FTCDNL1: variants seen among roughly 807,000 people sequenced by gnomAD.
FTCDNL1 encodes formiminotransferase N-terminal subdomain-containing protein.
FTCDNL1 carries 11 observed loss-of-function variants against 5.9 expected under a neutral mutation model. That is an observed-to-expected ratio of 1.87 (90% CI 1.18 to 3.10). The LOEUF (loss-of-function observed/expected upper bound fraction) is 3.10. Among genes scored for constraint, FTCDNL1 ranks in the 30% most tolerant of loss-of-function variants. The pLI is 0.00. For synonymous variants in FTCDNL1, 58 were observed against 24.8 expected (o/e 2.34, Z -3.99); for missense variants, 115 against 65.5 (o/e 1.76, Z -2.61).
chr2:199,718,818 G>A, the FTCDNL1 span, among the ~76,000 whole-genome samples: 1 of 151,916 alleles, frequency 6.6e-6, no homozygotes, highest in Non-Finnish European at 1.5e-5. Flanking sequence ...TTTTTTTCAT[G>A]TTTCTTGGCC....
the FTCDNL1 span, among the ~76,000 whole-genome samples, chr2:199,738,619 C>G: frequency 6.6e-6 from 1 of 152,060 alleles, no homozygotes; most frequent in East Asian, 1.9e-4. Context: ...TTGTGATACA[C>G]AATTCAAGGT....
At chr2:199,813,933 AAAAAAAAAAAT>A (rs1701194573) in intron 4 of FTCDNL1, among the ~76,000 whole-genome samples, 1 of 75,002 alleles carries the variant, frequency 1.3e-5, no homozygotes, top group Admixed American at 1.3e-4. Flanking sequence ...AAAAAAAAAA[AAAAAAAAAAAT>A]ACTTTTTTAC....
chr2:199,795,199 C>A (rs1484404221), intron 3 of FTCDNL1, among the ~76,000 whole-genome samples: 1 of 152,202 alleles, frequency 6.6e-6, no homozygotes, highest in African/African-American at 2.4e-5. Context: ...TCCAGTATGG[C>A]ACTGACTGGA....
At chr2:199,727,523 C>T in the FTCDNL1 span, among the ~76,000 whole-genome samples, 1 of 152,202 alleles carries the variant, frequency 6.6e-6, no homozygotes, top group Non-Finnish European at 1.5e-5. Context: ...TGGGAGTTCC[C>T]CTTACCCTGT....
chr2:199,846,920 C>T (rs1007603164), intron 2 of FTCDNL1, among the ~76,000 whole-genome samples: 17 of 152,148 alleles, frequency 1.1e-4, no homozygotes, highest in South Asian at 2.1e-4. Flanking sequence ...AGTTTTCAGG[C>T]GGTAATTAAA....
chr2:199,767,534 T>C (rs1409802255), intron 3 of FTCDNL1, among the ~76,000 whole-genome samples: 1 of 152,224 alleles, frequency 6.6e-6, no homozygotes, highest in Non-Finnish European at 1.5e-5. Flanking sequence ...TGTTGGAATG[T>C]AAACCCCAAG....
the FTCDNL1 span, among the ~76,000 whole-genome samples, chr2:199,695,964 G>A: frequency 6.6e-6 from 1 of 152,170 alleles, no homozygotes; most frequent in East Asian, 1.9e-4. Flanking sequence ...CTGCTGGCCT[G>A]TCCTGGGGTT....
chr2:199,798,665 G>A (rs1700289469), intron 3 of FTCDNL1, among the ~76,000 whole-genome samples: 1 of 152,156 alleles, frequency 6.6e-6, no homozygotes, highest in South Asian at 2.1e-4. Flanking sequence ...CCCTGAGGTT[G>A]ACTTTCAGAA....
chr2:199,776,836 T>TC (rs2106310591), intron 3 of FTCDNL1, among the ~76,000 whole-genome samples: 1 of 151,830 alleles, frequency 6.6e-6, no homozygotes, highest in South Asian at 2.1e-4. Flanking sequence ...GATTATATAT[T>TC]CCCTATATAT....
rs77562183 is a variant in FTCDNL1, at chr2:199,787,720, G to A, written c.212-26885C>T. ...GTGTCACAGACGATGACATTATATG[G>A]GGGAAAAAAATACAAATGTCAACTA... On this transcript the variant is annotated intron_variant, in intron 3 of 3. Coordinates refer to the FTCDNL1 transcript ENST00000416668. Among the ~76,000 whole-genome samples, 263 of 152,054 alleles carry A rather than the reference G, an allele frequency of 1.7e-3. 1 individual carries two copies. Among genetic ancestry groups the A allele is most frequent in the African/African-American group, 6.0e-3 (249 of 41,480 alleles).
the FTCDNL1 span, among the ~76,000 whole-genome samples, chr2:199,731,706 G>A: frequency 5.9e-5 from 9 of 152,110 alleles, no homozygotes; most frequent in Admixed American, 5.9e-4. Context: ...AGCTAAAACG[G>A]TGAAACCCCG....
chr2:199,785,249 C>CTTTTTTTTTTTTTTTT (rs61047289), intron 3 of FTCDNL1, among the ~76,000 whole-genome samples: 4,042 of 76,832 alleles, frequency 0.053, 889 homozygotes, highest in African/African-American at 0.079. Flanking sequence ...TTCCAAATTC[C>CTTTTTTTTTTTTTTTT]TTTTTTTTTT....
the FTCDNL1 span, among the ~76,000 whole-genome samples, chr2:199,682,677 T>G: frequency 1.3e-5 from 2 of 152,220 alleles, no homozygotes; most frequent in East Asian, 3.8e-4. Flanking sequence ...TTCAGAAATT[T>G]TGCAATTAGC....
intron 3 of FTCDNL1, among the ~76,000 whole-genome samples, chr2:199,842,337 T>C (rs2076612719): frequency 1.3e-5 from 2 of 152,090 alleles, no homozygotes; most frequent in Non-Finnish European, 1.5e-5. Flanking sequence ...TTTCATAACA[T>C]TCCCAGGAAT....
rs554140946 is a variant in FTCDNL1, at chr2:199,823,081, C to T, written c.212-3324G>A. Among the ~76,000 whole-genome samples, 107 of 152,300 alleles carry T rather than the reference C, an allele frequency of 7.0e-4. 1 individual carries two copies. Among genetic ancestry groups the T allele is most frequent in the African/African-American group, 2.4e-3 (101 of 41,562 alleles). Reference sequence around the variant, plus strand: ...GCCAGGTTGGTCTTGAACTCCTGGCCTCAAGTGATCCGCCAGCTGCAGCCT... The same window carrying T: ...GCCAGGTTGGTCTTGAACTCCTGGCTTCAAGTGATCCGCCAGCTGCAGCCT... On this transcript the variant is annotated intron_variant, in intron 3 of 4. Coordinates refer to ENST00000420128, the MANE Select transcript of FTCDNL1 (RefSeq NM_001363886.2).
chr2:199,794,464 G>A (rs990850849), intron 3 of FTCDNL1, among the ~76,000 whole-genome samples: 3 of 152,176 alleles, frequency 2.0e-5, no homozygotes, highest in Admixed American at 6.5e-5. Flanking sequence ...GCATCTTTCA[G>A]TGAATCCAAT....
chr2:199,687,796 G>A, the FTCDNL1 span, among the ~76,000 whole-genome samples: 1 of 152,122 alleles, frequency 6.6e-6, no homozygotes, highest in African/African-American at 2.4e-5. Flanking sequence ...TTTAGTTAAT[G>A]CTTCTTAGAA....
At chr2:199,738,528 CT>C in the FTCDNL1 span, among the ~76,000 whole-genome samples, 63 of 151,578 alleles carry the variant, frequency 4.2e-4, no homozygotes, top group African/African-American at 1.1e-3. Context: ...TAGGGCATTG[CT>C]TTTTTTTTCC....
the FTCDNL1 span, among the ~76,000 whole-genome samples, chr2:199,727,082 C>T: frequency 6.6e-6 from 1 of 152,240 alleles, no homozygotes; most frequent in East Asian, 1.9e-4. Context: ...AATCAGAGTT[C>T]TGTCTGTAAA....
Sources: allele counts gnomAD v4.1 joint callset (sites outside exome capture counted in the v4.1 genomes callset), GRCh38; gene constraint gnomAD v4.1.1; transcripts MANE v1.5; gene names NCBI Gene and HGNC (gene_info 2026-07-23, HGNC 2026-07-21).